The following TCF4 variants were observed in gnomAD, a reference collection of about 807,000 sequenced individuals.
TCF4 encodes the protein transcription factor 4.
A neutral mutation model predicts 82.1 loss-of-function variants in TCF4; 3 were observed. That is an observed-to-expected ratio of 0.04 (90% CI 0.02 to 0.09). TCF4 has a LOEUF of 0.09. Ranked by LOEUF, TCF4 falls within the 10% of genes least tolerant of loss-of-function variation. The pLI, the probability that TCF4 is intolerant of heterozygous loss-of-function variation, is 1.00. For synonymous variants in TCF4, 276 were observed against 309.6 expected, an observed-to-expected ratio of 0.89 and a Z score of 1.14; for missense variants, 518 against 852.7, an observed-to-expected ratio of 0.61 and a Z score of 4.89.
intron 5 of TCF4, among the ~76,000 whole-genome samples, chr18:55,407,276 C>T (rs1207310176): frequency 6.6e-6 from 1 of 152,036 alleles, no homozygotes; most frequent in Non-Finnish European, 1.5e-5. Flanking sequence ...TAAACTAAGT[C>T]GACATATTGG....
chr18:55,458,127 C>T (rs1452210497), intron 5 of TCF4, among the ~76,000 whole-genome samples: 1 of 152,046 alleles, frequency 6.6e-6, no homozygotes, highest in South Asian at 2.1e-4. Flanking sequence ...ATTAGTGTCA[C>T]TTATTTCTGT....
intron 3 of TCF4, among the ~76,000 whole-genome samples, chr18:55,490,246 C>T (rs1292998210): frequency 6.6e-6 from 1 of 152,018 alleles, no homozygotes; most frequent in Non-Finnish European, 1.5e-5. Context: ...TGGCAGGCTC[C>T]TTTAAAAAGG....
intron 3 of TCF4, among the ~76,000 whole-genome samples, chr18:55,519,680 T>C (rs72932713): frequency 0.036 from 5,476 of 152,282 alleles, 146 homozygotes; most frequent in Non-Finnish European, 0.055. Context: ...CTCACTTACA[T>C]GCTGAATTGA....
At chr18:55,602,031 G>A (rs2097697617) in intron 2 of TCF4, among the ~76,000 whole-genome samples, 2 of 152,082 alleles carry the variant, frequency 1.3e-5, no homozygotes, top group Admixed American at 6.5e-5. Context: ...GTCATGCCAT[G>A]TTTTCACATC....
chr18:55,570,700 G>C (rs1023725142), intron 3 of TCF4, among the ~76,000 whole-genome samples: 3 of 151,890 alleles, frequency 2.0e-5, no homozygotes, highest in Non-Finnish European at 4.4e-5. Flanking sequence ...CGGGCAACAT[G>C]GTGAAACCCC....
chr18:55,362,747 A>G (rs1451079828), intron 6 of TCF4, among the ~76,000 whole-genome samples: 1 of 152,238 alleles, frequency 6.6e-6, no homozygotes, highest in African/African-American at 2.4e-5. Context: ...TTGCATTTAT[A>G]AATATTCTAT....
chr18:55,554,958 C>T (rs763755598), intron 3 of TCF4, among the ~76,000 whole-genome samples: 85 of 152,104 alleles, frequency 5.6e-4, no homozygotes, highest in Admixed American at 1.6e-3. Flanking sequence ...TTTTTCCTTC[C>T]CTTTCTTTAT....
rs553206289 is a variant in TCF4, at chr18:55,523,185, A to T, written c.146-59048T>A. Among the ~76,000 whole-genome samples the T allele has an allele frequency of 1.4e-4, 22 of 152,152 alleles. No individual in the cohort carries two copies. In the South Asian group the frequency reaches 4.6e-3, roughly 31 times the overall value. On this transcript the variant is annotated intron_variant, in intron 3 of 19. Coordinates refer to ENST00000354452, the MANE Select transcript of TCF4 (RefSeq NM_001083962.2). ...ACAGAGAATATTACATTATCAACAA[A>T]ACTTATGGAATGCAGCCAAATTTTT...
chr18:55,428,683 T>A (rs1207025127), intron 5 of TCF4, among the ~76,000 whole-genome samples: 1 of 152,248 alleles, frequency 6.6e-6, no homozygotes, highest in Non-Finnish European at 1.5e-5. Flanking sequence ...TCTATCATTA[T>A]CTTCATTTTT....
chr18:55,528,657 T>C (rs4801158), intron 3 of TCF4, among the ~76,000 whole-genome samples: 104,299 of 152,074 alleles, frequency 0.69, 36,087 homozygotes, highest in East Asian at 0.92. Context: ...ATACTACATA[T>C]AAGTGACTAT....
chr18:55,339,362 A>G (rs2147924511), intron 8 of TCF4, among the ~76,000 whole-genome samples: 1 of 152,336 alleles, frequency 6.6e-6, no homozygotes, highest in Admixed American at 6.5e-5. Context: ...TCCACTGCCA[A>G]CGTGTACTTG....
At chr18:55,413,481 G>T (rs1362640337) in intron 5 of TCF4, among the ~76,000 whole-genome samples, 1 of 152,162 alleles carries the variant, frequency 6.6e-6, no homozygotes, top group Non-Finnish European at 1.5e-5. Context: ...TCAAGAGAAT[G>T]GGCCCATAAT....
At chr18:55,536,899 C>T (rs1426442532) in intron 3 of TCF4, among the ~76,000 whole-genome samples, 2 of 150,706 alleles carry the variant, frequency 1.3e-5, no homozygotes, top group Non-Finnish European at 1.5e-5. Context: ...CTTTGGGAGG[C>T]CGAGGAGGGC....
At chr18:55,610,867 C>T (rs1375082075) in intron 2 of TCF4, among the ~76,000 whole-genome samples, 1 of 152,192 alleles carries the variant, frequency 6.6e-6, no homozygotes, top group African/African-American at 2.4e-5. Flanking sequence ...TGGAACACTA[C>T]CTACCATGTA....
chr18:55,322,483 A>AG (rs1364324878), intron 8 of TCF4: 2 of 1,001,156 alleles, frequency 2.0e-6, no homozygotes, highest in African/African-American at 1.8e-5. Flanking sequence ...AAAAGGAGAG[A>AG]GGGGGCAGTG....
chr18:55,424,807 A>G (rs1195115639), intron 5 of TCF4, among the ~76,000 whole-genome samples: 4 of 152,226 alleles, frequency 2.6e-5, no homozygotes, highest in Non-Finnish European at 5.9e-5. Flanking sequence ...AGAATCAACT[A>G]TATTTACTCA....
At chr18:55,429,647 G>A (rs533629734) in intron 5 of TCF4, among the ~76,000 whole-genome samples, 4 of 150,196 alleles carry the variant, frequency 2.7e-5, no homozygotes, top group East Asian at 2.0e-4. Context: ...TGTGGTCCCA[G>A]CTACTCGGGA....
chr18:55,551,733 T>C (rs2097262123), intron 3 of TCF4: 1 of 152,184 alleles, frequency 6.6e-6, no homozygotes, highest in South Asian at 2.1e-4. Context: ...TCAAATATGC[T>C]TCAGAATATC....
chr18:55,233,541 T>A (rs2048467723), intron 16 of TCF4, among the ~76,000 whole-genome samples: 1 of 151,904 alleles, frequency 6.6e-6, no homozygotes, highest in Non-Finnish European at 1.5e-5. Context: ...CCTGGCCAGT[T>A]GTGGTGGTTC....
Sources: allele counts gnomAD v4.1 joint callset (sites outside exome capture counted in the v4.1 genomes callset), GRCh38; gene constraint gnomAD v4.1.1; transcripts MANE v1.5; gene names NCBI Gene and HGNC (gene_info 2026-07-23, HGNC 2026-07-21).